Variants in RPL3 observed in about 807,000 individuals in gnomAD.
The protein encoded by RPL3 is large ribosomal subunit protein uL3.
RPL3 carries 3 observed loss-of-function variants against 46.0 expected under a neutral mutation model. The ratio of observed to expected loss-of-function variants is 0.07; its 90% CI spans 0.03 to 0.17. RPL3 has a LOEUF of 0.17. RPL3 is among the 10% of genes least tolerant of loss of function. RPL3 has a pLI of 1.00. For missense variants in RPL3, 387 were observed against 532.7 expected, an observed-to-expected ratio of 0.73 and a Z score of 2.69; for synonymous variants, 224 against 190.8, an observed-to-expected ratio of 1.17 and a Z score of -1.43.
chr22:39,319,569 GA>G lies in RPL3; in HGVS notation c.3+25del, dbSNP rs1342563966. 1.7e-5 allele frequency: 26 copies of G among 1,563,888 alleles called. 1 individual carries two copies. Among genetic ancestry groups the G allele is most frequent in the Non-Finnish European group, 2.3e-5 (26 of 1,154,054 alleles). ...CAGCCGTGCCGACGCCGGTGACAAT[GA>G]AACGGCCGCCATTACAACACATACC... On this transcript the variant is annotated intron_variant, in intron 1 of 9. Coordinates refer to ENST00000216146, the MANE Select transcript of RPL3 (RefSeq NM_000967.4).
At chr22:39,319,295 G>A (rs577355546) in intron 1 of RPL3, 6 of 551,690 alleles carry the variant, frequency 1.1e-5, no homozygotes, top group South Asian at 4.0e-5. Flanking sequence ...ACTAATGATA[G>A]AATTGGTGAG....
intron 9 of RPL3, 92 bp downstream of exon 9, chr22:39,313,099 G>A: frequency 1.2e-6 from 2 of 1,601,706 alleles, no homozygotes; most frequent in Non-Finnish European, 1.7e-6. Context: ...GAGGCCTAAG[G>A]CATCAAGACC....
chr22:39,317,058 G>T, intron 3 of RPL3: 1 of 678,628 alleles, frequency 1.5e-6, no homozygotes, highest in East Asian at 2.8e-5. Context: ...TAAGTTACAC[G>T]CATTCAAACA....
At position 39,317,545 on chromosome 22, in the gene RPL3, T is replaced by A. The variant is rs1922782554; in HGVS notation, c.281A>T (p.Glu94Val). 6.2e-7 allele frequency: 1 copy of A among 1,613,812 alleles called. No individual in the cohort carries two copies. The highest frequency in any genetic ancestry group is 1.3e-5 in the African/African-American group (1 of 74,892). The stretch of plus-strand genomic sequence containing the variant: ...GAAGGTCCGGAGGCCTCGAGGGGTT[T>A]CCACGTAGCCCACAATGCCCACAAC... The part of the protein sequence containing the change: ...MVVVGIVGYV[E>V]TPRGLRTFKT... Residue 94 changes from glutamate to valine, a missense_variant, in exon 3 of 10, where the codon GAA becomes GTA. Glu to Val is a moderately radical substitution (Grantham distance 121, BLOSUM62 -2). Transcript: ENST00000216146.
At chr22:39,317,231 G>A (rs1922759439) in intron 3 of RPL3, 6 of 590,594 alleles carry the variant, frequency 1.0e-5, no homozygotes, top group Non-Finnish European at 1.8e-5. Flanking sequence ...AACCAACTGG[G>A]TCCTCAGCCA....
At position 39,316,743 on chromosome 22, in the gene RPL3, T is replaced by G; in HGVS notation, c.464A>C (p.Lys155Thr). 2 of 1,613,042 alleles carry G rather than the reference T, an allele frequency of 1.2e-6. No individual in the cohort carries two copies. Reference protein sequence around the residue: ...QLEKDFSSMKKYCQVIRVIAH... With the variant: ...QLEKDFSSMKTYCQVIRVIAH... ...AATGACACGGATGACTTGGCAGTAC[T>G]TCTTCATGCTGCTGAAGTCCTTCTC... Residue 155 changes from lysine (K) to threonine (T), a missense_variant, in exon 4 of 10, where the codon AAG becomes ACG. This residue lies in a region of RPL3 where 196 missense variants were observed against 217.5 expected (regional missense o/e 0.90). Transcript: ENST00000216146.
intron 3 of RPL3, 60 bp downstream of exon 3, chr22:39,317,401 G>A: frequency 6.4e-7 from 1 of 1,562,290 alleles, no homozygotes; most frequent in Admixed American, 1.8e-5. Flanking sequence ...TGCACACGCT[G>A]CTCCCTGCTC....
chr22:39,313,106 G>C, intron 9 of RPL3, 85 bp downstream of exon 9: 2 of 1,600,216 alleles, frequency 1.2e-6, no homozygotes, highest in South Asian at 2.2e-5. Context: ...AAGGCATCAA[G>C]ACCACCCCTA....
In RPL3 at chr22:39,318,601, G is replaced by A. The variant is rs778437727; in HGVS notation, c.4-9C>T. The A allele has an allele frequency of 6.3e-7, 1 of 1,598,474 alleles. No homozygotes were observed. The highest frequency in any genetic ancestry group is 8.5e-7 in the Non-Finnish European group (1 of 1,172,858). ...GAGAACTTTCTGTGAGACTAGGTGGGAAAAAAATCACCGTCAGCACCCAAA... is the reference window on the plus strand; with the variant it reads ...GAGAACTTTCTGTGAGACTAGGTGGAAAAAAAATCACCGTCAGCACCCAAA... On this transcript the variant is annotated splice_polypyrimidine_tract_variant and intron_variant, in intron 1 of 9. Transcript: ENST00000216146.
At chr22:39,314,407 T>G in intron 6 of RPL3, 199 bp from the exon 7 acceptor site, 1 of 636,176 alleles carries the variant, frequency 1.6e-6, no homozygotes, top group Non-Finnish European at 2.7e-6. Flanking sequence ...CTAAAGATCC[T>G]GCTGTACAAC....
At chr22:39,314,408 G>A in intron 6 of RPL3, 200 bp from the exon 7 acceptor site, 1 of 635,280 alleles carries the variant, frequency 1.6e-6, no homozygotes, top group Non-Finnish European at 2.7e-6. Context: ...TAAAGATCCT[G>A]CTGTACAACA....
Position 39,315,021 on chromosome 22 carries a change from C to G in RPL3, c.689-175G>C, listed in dbSNP as rs538524149. 1.9e-5 allele frequency: 17 copies of G among 896,070 alleles called. No individual in the cohort carries two copies. In the Admixed American group the frequency reaches 4.4e-4, roughly 23 times the overall value. 55.5% of individuals were successfully genotyped at this position (896,070 alleles called of 1,614,324 possible). A position where few individuals can be genotyped will look rare whatever the true frequency, so the allele number is the denominator to read the frequency against. On this transcript the variant is annotated intron_variant, in intron 5 of 9. Coordinates refer to ENST00000216146, the MANE Select transcript of RPL3 (RefSeq NM_000967.4). ...CTGGATAGGCTCTGGGGGTGTCACCCTGAACTCAATTCTGAATGGGTGCTT... is the reference window on the plus strand; with the variant it reads ...CTGGATAGGCTCTGGGGGTGTCACCGTGAACTCAATTCTGAATGGGTGCTT...
In RPL3 at chr22:39,317,594, T is replaced by C. The variant is rs1392261719; in HGVS notation, c.232A>G (p.Ile78Val). 1.9e-6 allele frequency: 3 copies of C among 1,613,874 alleles called. No individual in the cohort carries two copies. Among genetic ancestry groups the C allele is most frequent in the East Asian group, 4.5e-5 (2 of 44,886 alleles). Residue 78 changes from isoleucine to valine, a missense_variant, in exon 3 of 10, where the codon ATT becomes GTT. By Grantham distance (29) the Ile-to-Val change is conservative (BLOSUM62 3). Around this residue, in one of 5 missense-constraint regions of RPL3, gnomAD observed 196 missense variants for 217.5 expected, o/e 0.90. Coordinates refer to ENST00000216146, the MANE Select transcript of RPL3 (RefSeq NM_000967.4). ...NKKEVVEAVT[I>V]VETPPMVVVG... ...ACCACCATGGGTGGTGTCTCTACAATGGTCACAGCCTCCACCACCTCCTTC... is the reference window on the plus strand; with the variant it reads ...ACCACCATGGGTGGTGTCTCTACAACGGTCACAGCCTCCACCACCTCCTTC...
Position 39,316,757 on chromosome 22 carries a change from G to T in RPL3, c.450C>A (p.Phe150Leu), listed in dbSNP as rs757909506. The part of the protein sequence containing the change: ...EDGKKQLEKD[F>L]SSMKKYCQVI... Reference sequence around the variant, plus strand: ...CTTGGCAGTACTTCTTCATGCTGCTGAAGTCCTTCTCCAGCTGCTTCTTGC... The same window carrying T: ...CTTGGCAGTACTTCTTCATGCTGCTTAAGTCCTTCTCCAGCTGCTTCTTGC... The change falls in exon 4 of 10, where the codon TTC becomes TTA. Residue 150 changes from phenylalanine to leucine, a missense_variant. Phe to Leu is a conservative substitution (Grantham distance 22). Around this residue, in one of 5 missense-constraint regions of RPL3, gnomAD observed 196 missense variants for 217.5 expected, o/e 0.90. Coordinates refer to ENST00000216146, the MANE Select transcript of RPL3 (RefSeq NM_000967.4). 1.9e-6 allele frequency: 3 copies of T among 1,613,472 alleles called. No individual in the cohort carries two copies. The highest frequency in any genetic ancestry group is 2.2e-5 in the East Asian group (1 of 44,890).
chr22:39,313,608 C>A, intron 8 of RPL3, 26 bp downstream of exon 8: 1 of 1,606,310 alleles, frequency 6.2e-7, no homozygotes, highest in Non-Finnish European at 8.5e-7. Context: ...AAGAGCCCCC[C>A]CATGACAAGT....
At chr22:39,318,283 C>T (rs545105231) in intron 2 of RPL3, 117 bp downstream of exon 2, 2 of 1,004,074 alleles carry the variant, frequency 2.0e-6, no homozygotes, top group South Asian at 1.5e-5. Flanking sequence ...GTTCTGACAA[C>T]GTGTAACTCC....
Position 39,316,735 on chromosome 22 carries a change from G to C in RPL3, c.472C>G (p.Gln158Glu). 2 of 1,612,730 alleles carry C rather than the reference G, an allele frequency of 1.2e-6. No individual in the cohort carries two copies. The highest frequency in any genetic ancestry group is 8.5e-7 in the Non-Finnish European group (1 of 1,179,858). Residue 158 changes from glutamine (Q) to glutamate (E), a missense_variant, in exon 4 of 10, where the codon CAA becomes GAA. Coordinates refer to ENST00000216146, the MANE Select transcript of RPL3 (RefSeq NM_000967.4). ...GTGTGGGCAATGACACGGATGACTT[G>C]GCAGTACTTCTTCATGCTGCTGAAG... ...KDFSSMKKYC[Q>E]VIRVIAHTQM...
At chr22:39,316,243 A>AG (rs67437158) in intron 4 of RPL3, among the ~76,000 whole-genome samples, 3 of 149,854 alleles carry the variant, frequency 2.0e-5, no homozygotes, top group Admixed American at 1.4e-4. Context: ...CTGTCTCTAA[A>AG]AAAAAAAAAA....
intron 1 of RPL3, 122 bp downstream of exon 1, chr22:39,319,473 G>A (rs758838934): frequency 5.9e-5 from 78 of 1,331,356 alleles, no homozygotes; most frequent in East Asian, 1.8e-4. Context: ...AGTCCCCGCT[G>A]GGTCGCCCGT....
Sources: allele counts gnomAD v4.1 joint callset (sites outside exome capture counted in the v4.1 genomes callset), GRCh38; gene constraint gnomAD v4.1.1; regional missense constraint gnomAD v4.1.1; transcripts MANE v1.5; gene names NCBI Gene and HGNC (gene_info 2026-07-23, HGNC 2026-07-21).